The following GPM6A variants were observed in gnomAD, a reference collection of about 807,000 sequenced individuals.
GPM6A encodes the protein neuronal membrane glycoprotein M6-a.
Under a neutral mutation model 32.1 loss-of-function variants are expected in GPM6A, and 7 were observed. The observed-to-expected ratio is 0.22, with a 90% CI of 0.12 to 0.41. GPM6A has a LOEUF of 0.41. GPM6A is among the 10% of genes least tolerant of loss of function. The pLI, the probability that GPM6A is intolerant of heterozygous loss-of-function variation, is 1.00. For synonymous variants in GPM6A, 130 were observed against 123.4 expected (o/e 1.05, Z -0.35); for missense variants, 235 against 347.2 (o/e 0.68, Z 2.57).
intron 2 of GPM6A, among the ~76,000 whole-genome samples, chr4:175,698,568 T>A (rs1187115834): frequency 6.6e-6 from 1 of 152,156 alleles, no homozygotes; most frequent in Non-Finnish European, 1.5e-5. Flanking sequence ...ATCTTTAAAT[T>A]TATCACTTGG....
At chr4:175,768,556 C>A (rs1326001971) in intron 1 of GPM6A, among the ~76,000 whole-genome samples, 3 of 151,802 alleles carry the variant, frequency 2.0e-5, no homozygotes, top group Non-Finnish European at 2.9e-5. Context: ...TAGTGACTAA[C>A]TCAAGCAAGA....
chr4:175,706,615 G>A (rs973646165), intron 1 of GPM6A, among the ~76,000 whole-genome samples: 1 of 152,158 alleles, frequency 6.6e-6, no homozygotes, highest in Non-Finnish European at 1.5e-5. Context: ...TGTCCAGAGA[G>A]GTATAGGTCT....
intron 1 of GPM6A, chr4:176,002,258 T>A: frequency 6.3e-7 from 1 of 1,579,274 alleles, no homozygotes; most frequent in Admixed American, 1.7e-5. Flanking sequence ...TAATGCCCAT[T>A]CCCGAGGCCG....
chr4:175,901,805 T>C (rs1023970405), intron 1 of GPM6A, among the ~76,000 whole-genome samples: 3 of 151,902 alleles, frequency 2.0e-5, no homozygotes, highest in South Asian at 2.1e-4. Context: ...TTTTGTATTT[T>C]TTAGTAGAGA....
At chr4:175,674,782 G>A (rs1044081898) in intron 2 of GPM6A, among the ~76,000 whole-genome samples, 3 of 152,036 alleles carry the variant, frequency 2.0e-5, no homozygotes, top group African/African-American at 7.2e-5. Flanking sequence ...AGCCATTTAG[G>A]TATACTCACT....
chr4:175,716,541 CTTGTA>C (rs141329419), intron 1 of GPM6A, among the ~76,000 whole-genome samples: 7,619 of 152,124 alleles, frequency 0.05, 358 homozygotes, highest in East Asian at 0.28. Context: ...CAAACTTGGA[CTTGTA>C]TTGAATGTAT....
At chr4:175,803,008 C>A (rs1272386569) in intron 1 of GPM6A, among the ~76,000 whole-genome samples, 1 of 152,042 alleles carries the variant, frequency 6.6e-6, no homozygotes, top group Non-Finnish European at 1.5e-5. Context: ...TTCTCCCAAG[C>A]CAGGTTTAGC....
chr4:175,898,298 T>C (rs1258782388), intron 1 of GPM6A, among the ~76,000 whole-genome samples: 1 of 152,184 alleles, frequency 6.6e-6, no homozygotes, highest in East Asian at 1.9e-4. Context: ...TTTCCATATA[T>C]AATTACAAGT....
chr4:175,664,026 C>T (rs1471343459), intron 3 of GPM6A, among the ~76,000 whole-genome samples: 2 of 151,938 alleles, frequency 1.3e-5, no homozygotes, highest in African/African-American at 4.8e-5. Context: ...ACAAATTGTG[C>T]CATAAAGCCA....
intron 1 of GPM6A, among the ~76,000 whole-genome samples, chr4:175,830,595 A>C (rs936014190): frequency 2.6e-5 from 4 of 152,224 alleles, no homozygotes; most frequent in African/African-American, 9.6e-5. Flanking sequence ...TACCAAGATC[A>C]TATCACTCAT....
rs566485616 is a variant in GPM6A, at chr4:175,754,175, A to C, written c.38-52408T>G. Among the ~76,000 whole-genome samples the C allele has an allele frequency of 2.6e-5, 4 of 152,240 alleles. 1 individual carries two copies. The South Asian group carries it at 6.2e-4, about 24-fold the overall frequency. ...CCTGCTAATTCCCACTAAAACACTG[A>C]GTGAACTGTGGTTGAAAATAATGAC... On this transcript the variant is annotated intron_variant, in intron 1 of 6. Transcript: ENST00000393658.
intron 1 of GPM6A, among the ~76,000 whole-genome samples, chr4:175,811,375 C>T (rs1560946078): frequency 2.0e-5 from 3 of 152,188 alleles, no homozygotes; most frequent in East Asian, 3.9e-4. Flanking sequence ...ACGAGAGAAA[C>T]GCTGCCTATC....
chr4:175,841,274 TA>T (rs1241414885), intron 1 of GPM6A, among the ~76,000 whole-genome samples: 1 of 152,190 alleles, frequency 6.6e-6, no homozygotes, highest in Non-Finnish European at 1.5e-5. Flanking sequence ...ATACATTTTA[TA>T]AGCTTAAAAT....
intron 1 of GPM6A, among the ~76,000 whole-genome samples, chr4:175,830,215 A>G (rs1735566941): frequency 6.6e-6 from 1 of 152,138 alleles, no homozygotes; most frequent in African/African-American, 2.4e-5. Context: ...GGGGCCCATG[A>G]GCTAGCAGTG....
intron 1 of GPM6A, among the ~76,000 whole-genome samples, chr4:175,805,391 A>G (rs746809789): frequency 2.6e-5 from 4 of 152,248 alleles, no homozygotes; most frequent in Non-Finnish European, 5.9e-5. Flanking sequence ...AAGTTCTATT[A>G]TAAATCAATG....
intron 1 of GPM6A, among the ~76,000 whole-genome samples, chr4:175,927,988 T>A (rs1181143213): frequency 1.3e-5 from 2 of 152,196 alleles, no homozygotes; most frequent in Non-Finnish European, 2.9e-5. Flanking sequence ...TTCTTGCCTT[T>A]AGTTTAACTG....
chr4:175,743,230 T>G (rs2111170364), intron 1 of GPM6A, among the ~76,000 whole-genome samples: 1 of 152,006 alleles, frequency 6.6e-6, no homozygotes. Flanking sequence ...TAAGTACAAT[T>G]AACACAAATG....
intron 1 of GPM6A, among the ~76,000 whole-genome samples, chr4:175,932,548 T>G (rs1374291463): frequency 6.6e-6 from 1 of 152,196 alleles, no homozygotes; most frequent in Non-Finnish European, 1.5e-5. Context: ...ACAAACAAAT[T>G]AAGACAATAT....
At chr4:175,869,771 CAA>C (rs1217400927) in intron 1 of GPM6A, among the ~76,000 whole-genome samples, 2 of 128,234 alleles carry the variant, frequency 1.6e-5, no homozygotes, top group African/African-American at 3.2e-5. Context: ...AAAACAAAAA[CAA>C]AAACAAACAA....
Sources: gnomAD v4.1 joint callset for allele counts (sites outside exome capture counted in the v4.1 genomes callset) on GRCh38, gnomAD v4.1.1 for gene constraint, MANE v1.5 for transcripts, NCBI Gene and HGNC (gene_info 2026-07-23, HGNC 2026-07-21) for gene names.